The following EPSTI1 variants were observed in gnomAD, a reference collection of about 807,000 sequenced individuals.
EPSTI1 encodes the protein epithelial-stromal interaction protein 1.
In EPSTI1, 66 loss-of-function variants were observed where a neutral mutation model predicts 49.9. The observed-to-expected ratio is 1.32, with a 90% CI of 1.08 to 1.62. The LOEUF (loss-of-function observed/expected upper bound fraction) is 1.62, where lower values mean the gene tolerates loss of function less well. EPSTI1 is among the 40% of genes most tolerant of loss of function. The pLI is 0.00. For missense variants in EPSTI1, 394 were observed against 365.5 expected (o/e 1.08, Z -0.64); for synonymous variants, 137 against 130.7 (o/e 1.05, Z -0.33).
At chr13:42,962,562 G>C (rs111821756) in intron 5 of EPSTI1, among the ~76,000 whole-genome samples, 3 of 150,514 alleles carry the variant, frequency 2.0e-5, no homozygotes, top group African/African-American at 7.3e-5. Flanking sequence ...TTGAGCCCAA[G>C]AGTTCGAGAC....
chr13:42,922,380 G>T lies in EPSTI1; in HGVS notation c.657+3956C>A, dbSNP rs1042914275. ...CAGGTGGGCCCATTGTAATCAAAAG[G>T]GTCATTATAAGAGGAAGGCAGAAAG... On this transcript the variant is annotated intron_variant, in intron 7 of 10. Coordinates refer to ENST00000313624, the MANE Select transcript of EPSTI1 (RefSeq NM_033255.5). The surrounding 1 kb of genome is among the most constrained non-coding windows in gnomAD (Gnocchi z 4.8). Among the ~76,000 whole-genome samples the T allele has an allele frequency of 6.6e-6, 1 of 152,102 alleles. No homozygotes were observed. The highest frequency in any genetic ancestry group is 1.5e-5 in the Non-Finnish European group (1 of 68,038).
intron 6 of EPSTI1, among the ~76,000 whole-genome samples, chr13:42,929,555 T>G (rs1594667078): frequency 6.6e-6 from 1 of 152,158 alleles, no homozygotes; most frequent in Non-Finnish European, 1.5e-5. Flanking sequence ...TTTGCTGCAA[T>G]GAGTAATAAA....
At chr13:42,921,511 A>G (rs977246869) in intron 7 of EPSTI1, among the ~76,000 whole-genome samples, 21 of 152,228 alleles carry the variant, frequency 1.4e-4, no homozygotes, top group African/African-American at 5.1e-4. Flanking sequence ...CAAAACAAAG[A>G]AATAAAGCAA....
intron 1 of EPSTI1, among the ~76,000 whole-genome samples, chr13:42,988,559 C>T (rs1181260474): frequency 3.9e-5 from 6 of 152,042 alleles, no homozygotes; most frequent in Non-Finnish European, 8.8e-5. Context: ...GGCGAAACCC[C>T]GTCTCTACTA....
intron 4 of EPSTI1, 48 bp from the exon 5 acceptor site, chr13:42,963,386 A>C (rs1251565672): frequency 6.8e-7 from 1 of 1,459,970 alleles, no homozygotes; most frequent in South Asian, 1.2e-5. Context: ...ACCATTTTTC[A>C]GTCTGAACTC....
chr13:42,914,081 T>C (rs928366463), intron 8 of EPSTI1, among the ~76,000 whole-genome samples: 1 of 152,212 alleles, frequency 6.6e-6, no homozygotes, highest in African/African-American at 2.4e-5. Flanking sequence ...GTGAGCCAAT[T>C]AAACCTCTTT....
chr13:42,959,637 T>C (rs1294040791), intron 5 of EPSTI1, among the ~76,000 whole-genome samples: 2 of 152,210 alleles, frequency 1.3e-5, no homozygotes, highest in Non-Finnish European at 2.9e-5. Flanking sequence ...ACTGTGCTTC[T>C]CAGTGTCTGC....
chr13:42,953,836 A>G (rs1171678501), intron 6 of EPSTI1, 112 bp downstream of exon 6: 2 of 772,134 alleles, frequency 2.6e-6, no homozygotes. Context: ...TAATTAATAC[A>G]ACAGCCAATA....
At chr13:42,894,186 TTGTC>T (rs1169212072) in intron 10 of EPSTI1, among the ~76,000 whole-genome samples, 3 of 152,218 alleles carry the variant, frequency 2.0e-5, no homozygotes, top group Admixed American at 6.5e-5. Context: ...ACATGATCTT[TTGTC>T]TGTCAAGTAT....
intron 6 of EPSTI1, 104 bp downstream of exon 6, chr13:42,953,844 A>G (rs1399766826): frequency 2.4e-6 from 2 of 828,540 alleles, no homozygotes; most frequent in Non-Finnish European, 3.8e-6. Flanking sequence ...ACAACAGCCA[A>G]TAATCCAATA....
chr13:42,983,580 A>C (rs1338945224), intron 1 of EPSTI1, among the ~76,000 whole-genome samples: 2 of 136,500 alleles, frequency 1.5e-5, no homozygotes, highest in East Asian at 1.9e-4. Flanking sequence ...AAAAAAAAAA[A>C]AAAAAAAAAC....
intron 1 of EPSTI1, among the ~76,000 whole-genome samples, chr13:42,978,093 C>T (rs959957105): frequency 6.6e-6 from 1 of 151,746 alleles, no homozygotes; most frequent in Non-Finnish European, 1.5e-5. Context: ...GCGGAGCTTG[C>T]AGTGAGCCAA....
At chr13:42,921,615 A>AAC (rs2037996757) in intron 7 of EPSTI1, among the ~76,000 whole-genome samples, 1 of 152,212 alleles carries the variant, frequency 6.6e-6, no homozygotes, top group African/African-American at 2.4e-5. Context: ...AGGGATTCTC[A>AAC]ACCTTGGCTG....
chr13:42,963,858 C>A (rs2039531867), intron 4 of EPSTI1, among the ~76,000 whole-genome samples: 1 of 152,090 alleles, frequency 6.6e-6, no homozygotes, highest in African/African-American at 2.4e-5. Context: ...GAGGGTCATG[C>A]TGAGTGATAA....
At chr13:42,974,469 A>G (rs1406415182) in intron 1 of EPSTI1, among the ~76,000 whole-genome samples, 1 of 151,828 alleles carries the variant, frequency 6.6e-6, no homozygotes, top group Non-Finnish European at 1.5e-5. Flanking sequence ...CATCCTGGCT[A>G]ACACGGTGAA....
chr13:42,962,245 C>T (rs2039473306), intron 5 of EPSTI1, among the ~76,000 whole-genome samples: 1 of 152,110 alleles, frequency 6.6e-6, no homozygotes, highest in Non-Finnish European at 1.5e-5. Context: ...ACCTGGGGAG[C>T]TTGTTAAAAT....
intron 3 of EPSTI1, among the ~76,000 whole-genome samples, chr13:42,968,453 T>A (rs1422185728): frequency 1.3e-5 from 2 of 152,116 alleles, no homozygotes; most frequent in African/African-American, 4.8e-5. Flanking sequence ...AATTTTCGGC[T>A]GCTGATAGAA....
chr13:42,919,890 C>T (rs2153419338), intron 7 of EPSTI1, among the ~76,000 whole-genome samples: 1 of 152,246 alleles, frequency 6.6e-6, no homozygotes. Flanking sequence ...AATTTACTAT[C>T]TTATAGTTCT....
In EPSTI1 at chr13:42,887,173, T is replaced by C. The variant is rs1292219376; in HGVS notation, c.*1321A>G. On this transcript the variant is annotated 3_prime_UTR_variant, in exon 11 of 11. Coordinates refer to ENST00000313624, the MANE Select transcript of EPSTI1 (RefSeq NM_033255.5). ...TTTCAAATGGACCAAACATTTTATA[T>C]TAGTGTCAACAGCACTAACACAGCT... 6.6e-6 allele frequency: 1 copy of C among 152,188 alleles called. No homozygotes were observed. The highest frequency in any genetic ancestry group is 2.4e-5 in the African/African-American group (1 of 41,440). The allele number at this position is 152,188 out of a possible 1,614,324, so 9.4% of individuals were successfully genotyped here. A position where few individuals can be genotyped will look rare whatever the true frequency, so the allele number is the denominator to read the frequency against.
Sources: gnomAD v4.1 joint callset for allele counts (sites outside exome capture counted in the v4.1 genomes callset) on GRCh38, gnomAD v4.1.1 for gene constraint, Gnocchi (gnomAD v3.1) non-coding constraint, MANE v1.5 for transcripts, NCBI Gene and HGNC (gene_info 2026-07-23, HGNC 2026-07-21) for gene names.